Variants in INPP5K observed in about 807,000 individuals in gnomAD.
INPP5K encodes inositol polyphosphate-5-phosphatase K, also known as inositol polyphosphate 5-phosphatase K.
A neutral mutation model predicts 53.5 loss-of-function variants in INPP5K; 35 were observed. The ratio of observed to expected loss-of-function variants is 0.65; its 90% CI spans 0.50 to 0.87. The LOEUF is 0.87. INPP5K is among the 40% of genes least tolerant of loss of function. INPP5K has a pLI of 0.00. For synonymous variants in INPP5K, 253 were observed against 232.8 expected, an observed-to-expected ratio of 1.09 and a Z score of -0.79; for missense variants, 550 against 586.2, an observed-to-expected ratio of 0.94 and a Z score of 0.64.
chr17:1,500,832 C>T (rs1418785035), intron 7 of INPP5K, among the ~76,000 whole-genome samples: 1 of 152,132 alleles, frequency 6.6e-6, no homozygotes, highest in Non-Finnish European at 1.5e-5. Flanking sequence ...ACTCAATAAC[C>T]AGGTACACTT....
At chr17:1,504,871 C>T (rs961671230) in intron 7 of INPP5K, among the ~76,000 whole-genome samples, 2 of 152,184 alleles carry the variant, frequency 1.3e-5, no homozygotes, top group African/African-American at 4.8e-5. Context: ...TCCTGAGGTA[C>T]GATGGGCTTG....
At position 1,495,510 on chromosome 17, in the gene INPP5K, T is replaced by G. The variant is rs1441089109; in HGVS notation, c.*313A>C. Reference sequence around the variant, plus strand: ...TGGGGCATGTGCCTGGCAGGACTACTTGGGCAAGACTAGAAGAGGGGGTAG... The same window carrying G: ...TGGGGCATGTGCCTGGCAGGACTACGTGGGCAAGACTAGAAGAGGGGGTAG... On this transcript the variant is annotated 3_prime_UTR_variant, in exon 12 of 12. Transcript: ENST00000421807. The G allele has an allele frequency of 2.9e-6, 1 of 344,518 alleles. No homozygotes were observed. The highest frequency in any genetic ancestry group is 5.4e-6 in the Non-Finnish European group (1 of 185,908). 21.3% of individuals were successfully genotyped at this position (344,518 alleles called of 1,614,324 possible).
intron 1 of INPP5K, chr17:1,515,497 G>T (rs1475615500): frequency 1.0e-6 from 1 of 985,386 alleles, no homozygotes; most frequent in African/African-American, 1.7e-5. Flanking sequence ...AGCACAGAGC[G>T]GGCAGGAGCT....
intron 8 of INPP5K, chr17:1,497,695 G>A (rs2074892816): frequency 8.6e-6 from 4 of 465,106 alleles, no homozygotes; most frequent in South Asian, 6.9e-5. Context: ...TAGCCCCAAG[G>A]GAGAATACCC....
intron 7 of INPP5K, among the ~76,000 whole-genome samples, chr17:1,502,315 C>T (rs1051988075): frequency 1.3e-5 from 2 of 152,072 alleles, no homozygotes; most frequent in Non-Finnish European, 2.9e-5. Context: ...CGCCACTGCA[C>T]TCCAGCCTGG....
At chr17:1,516,105 T>C in intron 1 of INPP5K, 10 of 1,204,568 alleles carry the variant, frequency 8.3e-6, no homozygotes, top group Non-Finnish European at 1.0e-5. Flanking sequence ...CAGGCAGACC[T>C]CCTGATGTAT....
At chr17:1,509,632 C>T in intron 4 of INPP5K, 51 bp downstream of exon 4, 1 of 1,222,844 alleles carries the variant, frequency 8.2e-7, no homozygotes, top group Non-Finnish European at 1.2e-6. Flanking sequence ...CCCAGCTCCA[C>T]AGTTCCCAGC....
At position 1,516,553 on chromosome 17, in the gene INPP5K, G is replaced by A; in HGVS notation, c.-54C>T. 6.6e-7 allele frequency: 1 copy of A among 1,520,460 alleles called. No individual in the cohort carries two copies. Among genetic ancestry groups the A allele is most frequent in the Non-Finnish European group, 8.8e-7 (1 of 1,142,490 alleles). 94.2% of individuals were successfully genotyped at this position (1,520,460 alleles called of 1,614,324 possible). ...GGCAGGTTCGCGTCTCCCGGCCAGC[G>A]GGTCCCGGCCAGAGCAGCCCTGCGG... On this transcript the variant is annotated 5_prime_UTR_variant, in exon 1 of 12. Transcript: ENST00000421807.
chr17:1,497,704 C>T (rs2074892973), intron 8 of INPP5K: 1 of 482,104 alleles, frequency 2.1e-6, no homozygotes. Flanking sequence ...GGGAGAATAC[C>T]CAAAGGAAAT....
At chr17:1,496,442 A>G (rs1452287981) in intron 9 of INPP5K, 40 bp from the exon 10 acceptor site, 1 of 1,503,566 alleles carries the variant, frequency 6.7e-7, no homozygotes, top group Non-Finnish European at 9.1e-7. Flanking sequence ...CAGGGAGGAC[A>G]TGGGACCTAA....
chr17:1,498,039 ATGGGAG>A lies in INPP5K; in HGVS notation c.854_859del (p.Thr285_Pro286del). 6.2e-7 allele frequency: 1 copy of A among 1,614,120 alleles called. No homozygotes were observed. The highest frequency in any genetic ancestry group is 8.5e-7 in the Non-Finnish European group (1 of 1,179,994). ...CAAGGAGAAGTGTGACGCCGGCGGT[ATGGGAG>A]TGTCGGGGCCAGCACAGGGCTGCCG... On this transcript the variant is annotated inframe_deletion, in exon 8 of 12. Transcript: ENST00000421807.
At chr17:1,501,793 C>A (rs551784748) in intron 7 of INPP5K, among the ~76,000 whole-genome samples, 1 of 151,552 alleles carries the variant, frequency 6.6e-6, no homozygotes, top group African/African-American at 2.4e-5. Context: ...CTGAGGCGGG[C>A]GGATCACAAG....
chr17:1,516,164 G>T lies in INPP5K; in HGVS notation c.44+292C>A. ...GATTTCTAACCGAGAGCCGAAGGGT[G>T]ACGGCCTCGTTATGTCTTTAACCTC... is the stretch of plus-strand genomic sequence containing the variant. On this transcript the variant is annotated intron_variant, in intron 1 of 11. Transcript: ENST00000421807. 2.5e-6 allele frequency: 3 copies of T among 1,223,022 alleles called. No individual in the cohort carries two copies. The South Asian group carries it at 6.1e-5, about 25-fold the overall frequency. The allele number at this position is 1,223,022 out of a possible 1,614,324, so 75.8% of individuals were successfully genotyped here.
intron 5 of INPP5K, 138 bp from the exon 6 acceptor site, chr17:1,508,364 CG>C: frequency 1.4e-6 from 1 of 699,036 alleles, no homozygotes; most frequent in Non-Finnish European, 2.6e-6. Flanking sequence ...CCAGGGCACG[CG>C]TGGGTCCTCT....
Position 1,509,663 on chromosome 17 carries a change from G to C in INPP5K, c.378+20C>G. The C allele has an allele frequency of 6.8e-7, 1 of 1,467,842 alleles. No homozygotes were observed. Among genetic ancestry groups the C allele is most frequent in the Non-Finnish European group, 9.6e-7 (1 of 1,046,984 alleles). 90.9% of individuals were successfully genotyped at this position (1,467,842 alleles called of 1,614,324 possible). On this transcript the variant is annotated intron_variant, in intron 4 of 11. Transcript: ENST00000421807. Reference sequence around the variant, plus strand: ...CCAGCCCTTCCCAGCTCACGACTCAGACAATAGCTCAGTCCTTACCCAGTA... The same window carrying C: ...CCAGCCCTTCCCAGCTCACGACTCACACAATAGCTCAGTCCTTACCCAGTA...
intron 3 of INPP5K, among the ~76,000 whole-genome samples, 160 bp downstream of exon 3, chr17:1,513,293 G>C (rs1476093589): frequency 6.6e-6 from 1 of 152,184 alleles, no homozygotes; most frequent in Non-Finnish European, 1.5e-5. Context: ...GCAGGCAGGG[G>C]CCCCGGGGTC....
chr17:1,509,262 T>C lies in INPP5K; in HGVS notation c.470A>G (p.Asn157Ser), dbSNP rs1404166347. 1.9e-6 allele frequency: 3 copies of C among 1,614,068 alleles called. No individual in the cohort carries two copies. The highest frequency in any genetic ancestry group is 1.7e-6 in the Non-Finnish European group (2 of 1,180,008). ...GTCAAAGTGCTCCAGCCGCTGGTAA[T>C]TGTTGGAAATGTGGGGAGGCAGGTG... ...NCHLPPHISN[N>S]YQRLEHFDRI... The change falls in exon 5 of 12, where the codon AAT becomes AGT. Residue 157 changes from asparagine (N) to serine (S), a missense_variant. Asn to Ser is a conservative substitution (Grantham distance 46). Coordinates refer to ENST00000421807, the MANE Select transcript of INPP5K (RefSeq NM_016532.4).
At chr17:1,512,628 G>C (rs549409610) in intron 3 of INPP5K, among the ~76,000 whole-genome samples, 6 of 152,206 alleles carry the variant, frequency 3.9e-5, no homozygotes, top group Non-Finnish European at 8.8e-5. Context: ...CCTCAGGTGT[G>C]CAGGGCAGAA....
chr17:1,516,503 C>A lies in INPP5K; in HGVS notation c.-4G>T. 1.3e-6 allele frequency: 2 copies of A among 1,579,122 alleles called. No individual in the cohort carries two copies. Among genetic ancestry groups the A allele is most frequent in the Non-Finnish European group, 1.7e-6 (2 of 1,172,032 alleles). ...CGCTCAGCTTCCGCGAGCTCATGGCCGCCGTCGTCCCCGCGCGGTGGTCCG... is the reference window on the plus strand; with the variant it reads ...CGCTCAGCTTCCGCGAGCTCATGGCAGCCGTCGTCCCCGCGCGGTGGTCCG... On this transcript the variant is annotated 5_prime_UTR_variant, in exon 1 of 12. Transcript: ENST00000421807.
Sources: gnomAD v4.1 joint callset for allele counts (sites outside exome capture counted in the v4.1 genomes callset) on GRCh38, gnomAD v4.1.1 for gene constraint, MANE v1.5 for transcripts, NCBI Gene and HGNC (gene_info 2026-07-23, HGNC 2026-07-21) for gene names.